Variants in CGNL1 observed in about 807,000 individuals in gnomAD.
CGNL1 encodes the protein cingulin-like protein 1.
Under a neutral mutation model 141.2 loss-of-function variants are expected in CGNL1, and 132 were observed. The observed-to-expected ratio is 0.93, with a 90% CI of 0.81 to 1.08. The LOEUF is 1.08. Ranked by LOEUF, CGNL1 falls within the 50% of genes least tolerant of loss-of-function variation. The pLI is 0.00. For synonymous variants in CGNL1, 690 were observed against 622.1 expected, an observed-to-expected ratio of 1.11 and a Z score of -1.63; for missense variants, 1,870 against 1,588.6, an observed-to-expected ratio of 1.18 and a Z score of -3.01.
chr15:57,392,833 T>G (rs1373177890), intron 1 of CGNL1, among the ~76,000 whole-genome samples: 2 of 152,352 alleles, frequency 1.3e-5, no homozygotes, highest in Admixed American at 1.3e-4. Flanking sequence ...AACAGTCATT[T>G]TTTTTTAAAG....
At chr15:57,425,186 G>C (rs1435700592) in intron 1 of CGNL1, among the ~76,000 whole-genome samples, 1 of 152,100 alleles carries the variant, frequency 6.6e-6, no homozygotes, top group East Asian at 1.9e-4. Context: ...ACTGCTTGTA[G>C]GAAGCTATTT....
rs191034292 is a variant in CGNL1, at chr15:57,486,393, C to T, written c.2403+24501C>T. On this transcript the variant is annotated intron_variant, in intron 8 of 18. Coordinates refer to ENST00000281282, the MANE Select transcript of CGNL1 (RefSeq NM_032866.5). ...GAAAGGAAGAGGGGGTCAAATAAAT[C>T]AGCGAGAAAGAGAGAAACAGTTGGA... 5.3e-5 allele frequency among the ~76,000 whole-genome samples: 8 copies of T among 151,928 alleles called. No individual in the cohort carries two copies. In the East Asian group the frequency reaches 1.6e-3, roughly 30 times the overall value.
intron 8 of CGNL1, among the ~76,000 whole-genome samples, chr15:57,515,622 G>A (rs760478486): frequency 4.6e-5 from 7 of 152,164 alleles, no homozygotes; most frequent in African/African-American, 7.2e-5. Flanking sequence ...GAGGTGGAAT[G>A]TGGGGCAGGA....
chr15:57,509,374 A>C (rs1224350135), intron 8 of CGNL1, among the ~76,000 whole-genome samples: 4 of 152,244 alleles, frequency 2.6e-5, no homozygotes, highest in Non-Finnish European at 5.9e-5. Context: ...CGGCTGTGGC[A>C]GAGGCCGTGT....
chr15:57,397,568 G>C (rs1334151367), intron 1 of CGNL1, among the ~76,000 whole-genome samples: 2 of 151,934 alleles, frequency 1.3e-5, no homozygotes, highest in Non-Finnish European at 2.9e-5. Context: ...AAAAGTAATA[G>C]AATCACATTA....
chr15:57,486,573 G>A (rs543675326), intron 8 of CGNL1, among the ~76,000 whole-genome samples: 1 of 152,270 alleles, frequency 6.6e-6, no homozygotes, highest in African/African-American at 2.4e-5. Flanking sequence ...TCACAGCTGT[G>A]GATTGATTGG....
At position 57,524,600 on chromosome 15, in the gene CGNL1, C is replaced by T. The variant is rs2031489352; in HGVS notation, c.2888C>T (p.Ala963Val). Residue 963 changes from alanine (A) to valine (V), a missense_variant, in exon 12 of 19, where the codon GCC becomes GTC. Transcript: ENST00000281282. ...LQKEMADIVEASRTSTLELQN... is the reference protein window; with the variant it reads ...LQKEMADIVEVSRTSTLELQN... ...TTCTAGATGGCAGACATTGTTGAGG[C>T]CTCCCGTACCTCAACCCTGGAGCTC... The T allele has an allele frequency of 5.0e-6, 8 of 1,613,010 alleles. No individual in the cohort carries two copies. Among genetic ancestry groups the T allele is most frequent in the Non-Finnish European group, 5.9e-6 (7 of 1,179,716 alleles).
At chr15:57,522,664 A>G (rs1329874586) in intron 10 of CGNL1, among the ~76,000 whole-genome samples, 3 of 152,180 alleles carry the variant, frequency 2.0e-5, no homozygotes, top group African/African-American at 7.2e-5. Context: ...TAACTTTCCT[A>G]TAATATTTTA....
chr15:57,458,185 C>T (rs2063402673), intron 7 of CGNL1, among the ~76,000 whole-genome samples: 1 of 152,146 alleles, frequency 6.6e-6, no homozygotes, highest in Non-Finnish European at 1.5e-5. Context: ...CTCGCCACTC[C>T]CAGACAGCCA....
chr15:57,547,237 C>G lies in CGNL1; in HGVS notation c.3774-118C>G, dbSNP rs1458959633. ...GGAGACCTGTTACATTCATGTGTTT[C>G]TTTTCTGTGCCACTCAGTGGGGTGC... is the stretch of plus-strand genomic sequence containing the variant. On this transcript the variant is annotated intron_variant, in intron 18 of 18. Coordinates refer to ENST00000281282, the MANE Select transcript of CGNL1 (RefSeq NM_032866.5). The G allele has an allele frequency of 6.0e-6, 7 of 1,157,274 alleles. No homozygotes were observed. The African/African-American group carries it at 9.3e-5, about 15-fold the overall frequency. 71.7% of individuals were successfully genotyped at this position (1,157,274 alleles called of 1,614,324 possible).
chr15:57,547,205 A>G, intron 18 of CGNL1, 150 bp from the exon 19 acceptor site: 1 of 851,086 alleles, frequency 1.2e-6, no homozygotes, highest in South Asian at 1.7e-5. Context: ...TGAAGGGGCC[A>G]TCAGGTGGAG....
At chr15:57,523,383 C>T in intron 10 of CGNL1, 106 bp from the exon 11 acceptor site, 1 of 901,970 alleles carries the variant, frequency 1.1e-6, no homozygotes, top group Non-Finnish European at 1.7e-6. Context: ...ACGGATTTAA[C>T]AGATCTGATT....
intron 11 of CGNL1, among the ~76,000 whole-genome samples, chr15:57,524,365 G>A (rs892757288): frequency 2.6e-5 from 4 of 152,218 alleles, no homozygotes; most frequent in Non-Finnish European, 5.9e-5. Context: ...CTGAGGCTGT[G>A]TGCCTGGCTC....
chr15:57,456,649 G>GTTTT, intron 7 of CGNL1, among the ~76,000 whole-genome samples: 1 of 150,992 alleles, frequency 6.6e-6, no homozygotes. Flanking sequence ...TTCAGCTCAA[G>GTTTT]TTACAAAAAT....
chr15:57,467,306 C>A (rs546869966), intron 8 of CGNL1, among the ~76,000 whole-genome samples: 1 of 152,268 alleles, frequency 6.6e-6, no homozygotes, highest in Admixed American at 6.5e-5. Flanking sequence ...AGGAGGAGGA[C>A]TGCTGGCAAT....
intron 1 of CGNL1, among the ~76,000 whole-genome samples, chr15:57,436,865 G>T (rs1340892562): frequency 2.0e-5 from 3 of 152,044 alleles, no homozygotes; most frequent in Admixed American, 6.6e-5. Context: ...GATAATAAAT[G>T]ATTTATCCTA....
At chr15:57,492,226 G>A (rs1050748834) in intron 8 of CGNL1, among the ~76,000 whole-genome samples, 3 of 152,184 alleles carry the variant, frequency 2.0e-5, no homozygotes, top group African/African-American at 7.2e-5. Flanking sequence ...GGCAATAGGA[G>A]GCACATCTTA....
intron 8 of CGNL1, among the ~76,000 whole-genome samples, chr15:57,510,443 A>G (rs2030179839): frequency 6.6e-6 from 1 of 152,180 alleles, no homozygotes; most frequent in Non-Finnish European, 1.5e-5. Context: ...TTAGAAGTAT[A>G]AATGAGAATT....
intron 8 of CGNL1, among the ~76,000 whole-genome samples, chr15:57,480,940 C>T (rs1274098295): frequency 1.3e-5 from 2 of 152,008 alleles, no homozygotes; most frequent in Non-Finnish European, 2.9e-5. Flanking sequence ...TCTATTATTT[C>T]CCCCAAATCA....
Sources: allele counts gnomAD v4.1 joint callset (sites outside exome capture counted in the v4.1 genomes callset), GRCh38; gene constraint gnomAD v4.1.1; transcripts MANE v1.5; gene names NCBI Gene and HGNC (gene_info 2026-07-23, HGNC 2026-07-21).